The following CBX3 variants were observed in gnomAD, a reference collection of about 807,000 sequenced individuals.
CBX3 encodes the protein chromobox protein homolog 3.
A neutral mutation model predicts 22.6 loss-of-function variants in CBX3; 5 were observed. The ratio of observed to expected loss-of-function variants is 0.22; its 90% CI spans 0.12 to 0.47. CBX3 has a LOEUF of 0.47. Ranked by LOEUF, CBX3 falls within the 20% of genes least tolerant of loss-of-function variation. The pLI is 0.99. For synonymous variants in CBX3, 50 were observed against 66.6 expected, an observed-to-expected ratio of 0.75 and a Z score of 1.21; for missense variants, 83 against 208.1, an observed-to-expected ratio of 0.40 and a Z score of 3.70.
intron 1 of CBX3, 187 bp downstream of exon 1, chr7:26,202,013 G>A (rs891140556): frequency 6.6e-6 from 1 of 151,586 alleles, no homozygotes. Context: ...GGCCAGCGCC[G>A]GTAGTTAGTG....
chr7:26,202,828 T>C (rs1784580407), intron 1 of CBX3, 143 bp from the exon 2 acceptor site: 2 of 680,114 alleles, frequency 2.9e-6, no homozygotes, highest in Non-Finnish European at 5.3e-6. Flanking sequence ...GCAATGTAGG[T>C]AGGAGCGCAG....
intron 4 of CBX3, among the ~76,000 whole-genome samples, chr7:26,209,308 G>T (rs1438333380): frequency 6.6e-6 from 1 of 152,120 alleles, no homozygotes; most frequent in Non-Finnish European, 1.5e-5. Context: ...GGATGGGCGT[G>T]GTTTAGCCTA....
intron 4 of CBX3, among the ~76,000 whole-genome samples, chr7:26,211,100 C>T (rs981245243): frequency 1.1e-3 from 163 of 145,716 alleles, no homozygotes; most frequent in African/African-American, 3.7e-3. Flanking sequence ...AAAAAAAAAT[C>T]GCAAGAAAGT....
In CBX3 at chr7:26,203,049, T is replaced by G. The variant is rs376924238; in HGVS notation, c.24+27T>G. 88 of 1,464,208 alleles carry G rather than the reference T, an allele frequency of 6.0e-5. 1 individual carries two copies. In the African/African-American group the frequency reaches 8.7e-4, roughly 15 times the overall value. The allele number at this position is 1,464,208 out of a possible 1,614,324, so 90.7% of individuals were successfully genotyped here. ...TAAGTTAATGAAAACCTAAAATATG[T>G]AAGGATTTAACTCAAGTTTTTTTTC... On this transcript the variant is annotated intron_variant, in intron 2 of 5. Transcript: ENST00000396386.
chr7:26,205,256 GT>G (rs1415583694), intron 2 of CBX3, among the ~76,000 whole-genome samples: 1 of 152,062 alleles, frequency 6.6e-6, no homozygotes, highest in Non-Finnish European at 1.5e-5. Flanking sequence ...GAAAGAGCTG[GT>G]TCACGTTGGT....
At chr7:26,210,687 C>A (rs1056347827) in intron 4 of CBX3, 3 of 151,874 alleles carry the variant, frequency 2.0e-5, no homozygotes, top group Non-Finnish European at 4.4e-5. Context: ...ATTATCAATA[C>A]TAACAGTAGA....
At chr7:26,207,981 C>A (rs575028529) in intron 3 of CBX3, among the ~76,000 whole-genome samples, 1 of 151,032 alleles carries the variant, frequency 6.6e-6, no homozygotes, top group South Asian at 2.1e-4. Flanking sequence ...GGGTCCAAGG[C>A]TGGAGGATCA....
At chr7:26,210,960 TTA>T (rs1255004917) in intron 4 of CBX3, among the ~76,000 whole-genome samples, 2 of 152,036 alleles carry the variant, frequency 1.3e-5, no homozygotes, top group Non-Finnish European at 2.9e-5. Flanking sequence ...AGCCACTGGT[TTA>T]TATTAAGTAC....
At chr7:26,202,813 C>G (rs976862402) in intron 1 of CBX3, 158 bp from the exon 2 acceptor site, 2 of 644,572 alleles carry the variant, frequency 3.1e-6, no homozygotes, top group Admixed American at 2.9e-5. Flanking sequence ...TTAAGTACAT[C>G]ATAAGCAATG....
At chr7:26,203,103 C>T in intron 2 of CBX3, 81 bp downstream of exon 2, 1 of 848,774 alleles carries the variant, frequency 1.2e-6, no homozygotes, top group East Asian at 3.9e-5. Flanking sequence ...ATCTCTGTGG[C>T]TGAGAAATTT....
rs1427114580 is a variant in CBX3, at chr7:26,206,415, G to C, written c.72G>C (p.Glu24Asp). Reference sequence around the variant, plus strand: ...ATGGAAAGAGTAAAAAAGTTGAAGAGGCAGAGCCTGAAGAATTTGTCGTGG... The same window carrying C: ...ATGGAAAGAGTAAAAAAGTTGAAGACGCAGAGCCTGAAGAATTTGTCGTGG... ...KQNGKSKKVEEAEPEEFVVEK... is the reference protein window; with the variant it reads ...KQNGKSKKVEDAEPEEFVVEK... Residue 24 changes from glutamate (E) to aspartate (D), a missense_variant, in exon 3 of 6, where the codon GAG becomes GAC. Transcript: ENST00000396386. 1 of 1,613,634 alleles carries C rather than the reference G, an allele frequency of 6.2e-7. No homozygotes were observed. Among genetic ancestry groups the C allele is most frequent in the Non-Finnish European group, 8.5e-7 (1 of 1,179,800 alleles).
chr7:26,204,076 C>T (rs1784616987), intron 2 of CBX3, among the ~76,000 whole-genome samples: 1 of 152,114 alleles, frequency 6.6e-6, no homozygotes, highest in African/African-American at 2.4e-5. Context: ...CTGTTAATTT[C>T]ACTTAAATAA....
intron 4 of CBX3, among the ~76,000 whole-genome samples, chr7:26,211,171 A>G (rs1048598346): frequency 1.3e-5 from 2 of 152,144 alleles, no homozygotes; most frequent in African/African-American, 4.8e-5. Flanking sequence ...CCTGGGCCAC[A>G]GGTTACACAA....
chr7:26,205,359 G>A lies in CBX3; in HGVS notation c.25-1009G>A, dbSNP rs553660829. On this transcript the variant is annotated intron_variant, in intron 2 of 5. Coordinates refer to ENST00000396386, the MANE Select transcript of CBX3 (RefSeq NM_016587.4). The stretch of plus-strand genomic sequence containing the variant: ...TATAGACTTTCTCTTGAGAAACCAG[G>A]AAGGAAGGATTTTTTTCACCTTAGG... 2.6e-5 allele frequency among the ~76,000 whole-genome samples: 4 copies of A among 152,310 alleles called. No homozygotes were observed. In the South Asian group the frequency reaches 6.2e-4, roughly 24 times the overall value.
chr7:26,205,743 G>C (rs1025542337), intron 2 of CBX3, among the ~76,000 whole-genome samples: 2 of 152,152 alleles, frequency 1.3e-5, no homozygotes, highest in African/African-American at 4.8e-5. Context: ...CTGCATAGTT[G>C]TTTGTTGCAG....
At chr7:26,201,585 C>G (rs576173198), upstream of CBX3, 1 of 150,956 alleles carries the variant, frequency 6.6e-6, no homozygotes, top group Admixed American at 6.6e-5. Context: ...TCGTCGGCGC[C>G]TCCGCCCTCC....
At chr7:26,201,611 T>G (rs1051574334), upstream of CBX3, 4 of 147,956 alleles carry the variant, frequency 2.7e-5, no homozygotes, top group Admixed American at 2.7e-4. Context: ...GGGCCCCAAT[T>G]CCCAGCGGGC....
At chr7:26,211,540 C>T (rs958380019) in intron 4 of CBX3, 122 bp from the exon 5 acceptor site, 56 of 528,120 alleles carry the variant, frequency 1.1e-4, no homozygotes, top group Non-Finnish European at 1.8e-4. Context: ...TTTTTAATTA[C>T]CAAATATGGG....
chr7:26,212,625 G>A lies in CBX3; in HGVS notation c.*417G>A, dbSNP rs1178876309. The A allele has an allele frequency of 6.6e-6, 1 of 151,740 alleles. No individual in the cohort carries two copies. Among genetic ancestry groups the A allele is most frequent in the African/African-American group, 2.4e-5 (1 of 41,152 alleles). The allele number at this position is 151,740 out of a possible 1,614,324, so 9.4% of individuals were successfully genotyped here. A position where few individuals can be genotyped will look rare whatever the true frequency, so the allele number is the denominator to read the frequency against. ...GTGTGTGTGTGTGTATCCATAAAAT[G>A]CATATGTAAATTTTTTTTTGTTTTT... On this transcript the variant is annotated 3_prime_UTR_variant, in exon 6 of 6. Transcript: ENST00000396386.
Sources: gnomAD v4.1 joint callset for allele counts (sites outside exome capture counted in the v4.1 genomes callset) on GRCh38, gnomAD v4.1.1 for gene constraint, MANE v1.5 for transcripts, NCBI Gene and HGNC (gene_info 2026-07-23, HGNC 2026-07-21) for gene names.